DISP1: variants seen among roughly 807,000 people sequenced by gnomAD.
DISP1 encodes protein dispatched homolog 1.
In DISP1, 30 loss-of-function variants were observed where a neutral mutation model predicts 37.3. The observed-to-expected ratio is 0.80, with a 90% confidence interval of 0.60 to 1.09. DISP1 has a LOEUF of 1.09. DISP1 is among the 50% of genes least tolerant of loss of function. The probability of loss-of-function intolerance (pLI) is 0.00; values close to 1 mark genes in which losing one functional copy is unlikely to be tolerated. For missense variants in DISP1, 1,598 were observed against 1,879.5 expected (o/e 0.85, Z 2.77); for synonymous variants, 634 against 690.2 (o/e 0.92, Z 1.28).
intron 1 of DISP1, among the ~76,000 whole-genome samples, chr1:222,848,369 A>G (rs925511416): frequency 7.2e-5 from 11 of 152,194 alleles, no homozygotes; most frequent in African/African-American, 2.7e-4. Flanking sequence ...GCATCTCAAT[A>G]TAAAAGGAAT....
At chr1:222,992,712 G>A (rs1678783281) in intron 7 of DISP1, among the ~76,000 whole-genome samples, 1 of 152,088 alleles carries the variant, frequency 6.6e-6, no homozygotes. Flanking sequence ...AGCTAGCTAG[G>A]TGTGACAGGA....
intron 3 of DISP1, among the ~76,000 whole-genome samples, chr1:222,954,460 A>G (rs1675448863): frequency 6.6e-6 from 1 of 152,202 alleles, no homozygotes; most frequent in African/African-American, 2.4e-5. Context: ...ATGATTGCCA[A>G]AAAAAATTCT....
intron 1 of DISP1, among the ~76,000 whole-genome samples, chr1:222,821,402 A>G (rs1026363754): frequency 7.9e-5 from 12 of 152,262 alleles, no homozygotes; most frequent in Non-Finnish European, 1.6e-4. Context: ...ATCATAAGAT[A>G]TGAAAGCACT....
intron 3 of DISP1, among the ~76,000 whole-genome samples, chr1:222,965,243 T>G (rs1341959720): frequency 6.6e-6 from 1 of 152,196 alleles, no homozygotes; most frequent in Non-Finnish European, 1.5e-5. Context: ...GCCTTAGTTC[T>G]CCATCGGTAA....
intron 1 of DISP1, among the ~76,000 whole-genome samples, chr1:222,857,752 A>G (rs1323764137): frequency 6.6e-6 from 1 of 152,194 alleles, no homozygotes. Context: ...TTCAAGGAGA[A>G]CTACAAACCA....
intron 1 of DISP1, among the ~76,000 whole-genome samples, chr1:222,863,908 T>G (rs779069695): frequency 5.3e-5 from 8 of 152,160 alleles, no homozygotes; most frequent in Middle Eastern, 3.2e-3. Flanking sequence ...TTCCTGTACT[T>G]TTCCTTGTCC....
At chr1:222,837,683 C>T (rs571462466) in intron 1 of DISP1, among the ~76,000 whole-genome samples, 111 of 151,914 alleles carry the variant, frequency 7.3e-4, no homozygotes, top group Non-Finnish European at 1.4e-3. Flanking sequence ...CTAGCAACAG[C>T]CAGTTAGAGA....
chr1:222,817,141 G>T (rs1473110950), intron 1 of DISP1, among the ~76,000 whole-genome samples: 1 of 152,092 alleles, frequency 6.6e-6, no homozygotes, highest in Non-Finnish European at 1.5e-5. Context: ...TCTTCTAATT[G>T]TTTAGTAAAT....
In DISP1 at chr1:222,851,776, C is replaced by CTTT. The variant is rs71178503; in HGVS notation, c.-159+36710_-159+36712dup. Among the ~76,000 whole-genome samples the CTTT allele has an allele frequency of 5.1e-3, 739 of 144,166 alleles. 8 individuals are homozygous for CTTT. Among genetic ancestry groups the CTTT allele is most frequent in the African/African-American group, 0.017 (677 of 39,132 alleles). The allele number at this position is 144,166 out of a possible 152,430, so 94.6% of individuals were successfully genotyped here. On this transcript the variant is annotated intron_variant, in intron 1 of 8. Transcript: ENST00000675850. ...TCAATTTAAAACAAGGTAAATATTT[C>CTTT]TTTTTTTTTTTTTTCCATTTCTGTG...
chr1:223,002,929 T>C lies in DISP1; in HGVS notation c.1532T>C (p.Ile511Thr). The C allele has an allele frequency of 6.2e-7, 1 of 1,614,042 alleles. No homozygotes were observed. Among genetic ancestry groups the C allele is most frequent in the Non-Finnish European group, 8.5e-7 (1 of 1,180,044 alleles). Residue 511 changes from isoleucine (I) to threonine (T), a missense_variant, in exon 9 of 9, where the codon ATT (isoleucine) becomes ACT (threonine). Ile to Thr is a moderately conservative substitution (Grantham distance 89, BLOSUM62 -1). Coordinates refer to ENST00000675850, the MANE Select transcript of DISP1 (RefSeq NM_001377229.1). ...GATACTGTGTATCCTGCCATAGCCA[T>C]TGTGATTGTCCTTTTAGTTATGTGT... ...LMDTVYPAIA[I>T]VIVLLVMCVY...
rs765491883 is a variant in DISP1, at chr1:222,994,940, T to C, written c.945T>C (p.Asn315=). Residue 315 remains asparagine (N), a synonymous_variant, in exon 8 of 9, where the codon AAT becomes AAC. Coordinates refer to ENST00000675850, the MANE Select transcript of DISP1 (RefSeq NM_001377229.1). ...FTSSGGETLW[N]LPAIKSMCNV... is the part of the protein sequence containing the mutation. The stretch of plus-strand genomic sequence containing the variant: ...CATCTGGAGGGGAGACATTATGGAA[T>C]TTACCTGCAATTAAATCAATGTGCA... 1 of 1,613,174 alleles carries C rather than the reference T, an allele frequency of 6.2e-7. No homozygotes were observed. The highest frequency in any genetic ancestry group is 8.5e-7 in the Non-Finnish European group (1 of 1,179,500).
chr1:222,822,846 T>C (rs1663281499), intron 1 of DISP1, among the ~76,000 whole-genome samples: 1 of 152,232 alleles, frequency 6.6e-6, no homozygotes, highest in South Asian at 2.1e-4. Flanking sequence ...CTCTGTTACT[T>C]TCTCCTTGGA....
chr1:222,936,870 C>CATATATATGATATATAATTTATATATA (rs1673887872), intron 2 of DISP1, among the ~76,000 whole-genome samples: 5 of 41,580 alleles, frequency 1.2e-4, no homozygotes, highest in Non-Finnish European at 2.2e-4. Flanking sequence ...ATTTATATAT[C>CATATATATGATATATAATTTATATATA]ATATATATGA....
chr1:222,842,269 T>C (rs1028277093), intron 1 of DISP1, among the ~76,000 whole-genome samples: 5 of 151,074 alleles, frequency 3.3e-5, no homozygotes, highest in African/African-American at 9.8e-5. Flanking sequence ...AAAAATGGGA[T>C]GTCCAAATTC....
intron 2 of DISP1, among the ~76,000 whole-genome samples, chr1:222,940,626 A>G (rs1346733000): frequency 1.3e-5 from 2 of 152,228 alleles, no homozygotes; most frequent in African/African-American, 4.8e-5. Context: ...TACCTAGGAA[A>G]AAGTAGACTA....
intron 3 of DISP1, among the ~76,000 whole-genome samples, chr1:222,965,097 A>G (rs1449148423): frequency 6.6e-6 from 1 of 151,996 alleles, no homozygotes; most frequent in African/African-American, 2.4e-5. Context: ...AGCACCTTCT[A>G]CTTTATGAAA....
intron 1 of DISP1, among the ~76,000 whole-genome samples, chr1:222,911,917 A>G (rs1672234469): frequency 1.3e-5 from 2 of 152,232 alleles, no homozygotes; most frequent in Admixed American, 6.5e-5. Context: ...CATGAAAACC[A>G]AATCATGTTG....
intron 2 of DISP1, among the ~76,000 whole-genome samples, chr1:222,937,247 G>A: frequency 6.6e-6 from 1 of 150,572 alleles, no homozygotes; most frequent in South Asian, 2.1e-4. Context: ...CCGCCACCAC[G>A]CTCGGCTAAT....
chr1:222,955,971 A>G (rs1209678603), intron 3 of DISP1, among the ~76,000 whole-genome samples: 1 of 152,200 alleles, frequency 6.6e-6, no homozygotes, highest in Non-Finnish European at 1.5e-5. Context: ...ACAGGGTTGT[A>G]ATAGTTACCA....
Sources: gnomAD v4.1 joint callset for allele counts (sites outside exome capture counted in the v4.1 genomes callset) on GRCh38, gnomAD v4.1.1 for gene constraint, MANE v1.5 for transcripts, NCBI Gene and HGNC (gene_info 2026-07-23, HGNC 2026-07-21) for gene names.